The following DCAKD variants were observed in gnomAD, a reference collection of about 807,000 sequenced individuals.
The protein encoded by DCAKD is dephospho-CoA kinase domain-containing protein.
A neutral mutation model predicts 18.7 loss-of-function variants in DCAKD; 15 were observed. That is an observed-to-expected ratio of 0.80 (90% CI 0.54 to 1.24). DCAKD has a LOEUF of 1.24. Among genes scored for constraint, DCAKD ranks in the 50% most tolerant of loss-of-function variants. The pLI is 0.00. For synonymous variants in DCAKD, 130 were observed against 133.0 expected (o/e 0.98, Z 0.16); for missense variants, 301 against 322.0 (o/e 0.93, Z 0.50).
chr17:45,059,266 A>G (rs1567857160), intron 1 of DCAKD, among the ~76,000 whole-genome samples: 1 of 152,058 alleles, frequency 6.6e-6, no homozygotes, highest in African/African-American at 2.4e-5. Context: ...AAAAGAAAGA[A>G]AGAGTTGACT....
upstream of DCAKD, chr17:45,054,251 T>TTA: frequency 2.9e-6 from 1 of 346,850 alleles, no homozygotes; most frequent in South Asian, 1.8e-5. Context: ...GACAGTTTTA[T>TTA]TTATTTTTTT....
chr17:45,033,996 AAG>A (rs1369579273), intron 3 of DCAKD, 189 bp downstream of exon 3: 12 of 1,592,836 alleles, frequency 7.5e-6, no homozygotes, highest in Non-Finnish European at 9.3e-6. Flanking sequence ...CAGCCTCCTT[AAG>A]AGCTGAGGGA....
In DCAKD at chr17:45,058,574, T is replaced by G. The variant is rs918428898; in HGVS notation, c.-118+2314A>C. 2.0e-5 allele frequency among the ~76,000 whole-genome samples: 3 copies of G among 151,932 alleles called. No homozygotes were observed. The South Asian group carries it at 6.2e-4, about 32-fold the overall frequency. ...AGCTGGGATTATAGGCGCCCACCAC[T>G]AAGCCCAGCTAATTTTTTTGTATTT... On this transcript the variant is annotated intron_variant, in intron 1 of 4. Coordinates refer to the DCAKD transcript ENST00000310604.
At chr17:45,036,443 G>A (rs968453874) in intron 1 of DCAKD, among the ~76,000 whole-genome samples, 5 of 152,162 alleles carry the variant, frequency 3.3e-5, no homozygotes, top group Non-Finnish European at 5.9e-5. Context: ...TTGAACCCAG[G>A]AGGCGGAGGT....
intron 1 of DCAKD, among the ~76,000 whole-genome samples, chr17:45,040,421 A>C (rs1451408529): frequency 5.3e-5 from 8 of 151,078 alleles, no homozygotes; most frequent in Non-Finnish European, 1.0e-4. Flanking sequence ...CCCCTGGCAA[A>C]CCAAGGGATG....
chr17:45,050,882 G>A (rs1242455032), intron 1 of DCAKD, among the ~76,000 whole-genome samples: 2 of 152,242 alleles, frequency 1.3e-5, no homozygotes, highest in Non-Finnish European at 2.9e-5. Context: ...AGCTGGGGAA[G>A]GAAGAGACGG....
intron 1 of DCAKD, among the ~76,000 whole-genome samples, chr17:45,043,968 G>A (rs186867910): frequency 2.6e-5 from 4 of 152,184 alleles, no homozygotes; most frequent in East Asian, 1.9e-4. Context: ...ATGTCGCTGC[G>A]GAAGCCCTGC....
upstream of DCAKD, among the ~76,000 whole-genome samples, chr17:45,053,758 T>A (rs1196625502): frequency 1.3e-5 from 2 of 152,136 alleles, no homozygotes; most frequent in East Asian, 3.9e-4. Context: ...GAGATGGGGT[T>A]TGGCATGTTA....
At chr17:45,056,940 T>C (rs1432259516) in intron 1 of DCAKD, among the ~76,000 whole-genome samples, 3 of 151,924 alleles carry the variant, frequency 2.0e-5, no homozygotes, top group African/African-American at 7.3e-5. Context: ...GCTAATTTTT[T>C]GTATTTTCAG....
intron 1 of DCAKD, among the ~76,000 whole-genome samples, chr17:45,042,804 G>A (rs2143310170): frequency 6.6e-6 from 1 of 152,316 alleles, no homozygotes; most frequent in South Asian, 2.1e-4. Context: ...ACCTCCTCCA[G>A]GCTGCCAGTT....
chr17:45,056,304 T>C (rs2143414370), upstream of DCAKD, among the ~76,000 whole-genome samples: 1 of 152,220 alleles, frequency 6.6e-6, no homozygotes. Context: ...ATTAAGTGGG[T>C]ATTAATTCTG....
At chr17:45,041,940 G>A in intron 1 of DCAKD, among the ~76,000 whole-genome samples, 1 of 151,422 alleles carries the variant, frequency 6.6e-6, no homozygotes, top group East Asian at 2.0e-4. Flanking sequence ...GCAACAAAGC[G>A]AGATCCTGTC....
chr17:45,026,168 C>A (rs946914665), intron 4 of DCAKD, among the ~76,000 whole-genome samples: 5 of 151,734 alleles, frequency 3.3e-5, no homozygotes, highest in Non-Finnish European at 2.9e-5. Flanking sequence ...ATCCACCCGC[C>A]TTGGCCTCCC....
intron 1 of DCAKD, among the ~76,000 whole-genome samples, chr17:45,047,954 T>C (rs927622195): frequency 2.6e-5 from 4 of 152,162 alleles, no homozygotes; most frequent in African/African-American, 9.7e-5. Flanking sequence ...TTTTTATCAA[T>C]TGTGTATTTT....
chr17:45,059,806 T>G (rs1260214773), intron 1 of DCAKD, among the ~76,000 whole-genome samples: 1 of 152,150 alleles, frequency 6.6e-6, no homozygotes, highest in Admixed American at 6.6e-5. Flanking sequence ...TTTTTTCATC[T>G]GTCAAAAAGG....
intron 1 of DCAKD, among the ~76,000 whole-genome samples, chr17:45,049,905 A>G (rs938679886): frequency 1.3e-5 from 2 of 151,494 alleles, no homozygotes; most frequent in African/African-American, 4.9e-5. Context: ...TATTTTTAGT[A>G]GAGATGGAGT....
At chr17:45,061,091 C>T (rs1250469463) in exon 1 of DCAKD, 6 of 1,307,860 alleles carry the variant, frequency 4.6e-6, no homozygotes, top group Non-Finnish European at 4.9e-6. Context: ...CCCCTTCTTT[C>T]CTCAAAGCGT....
At chr17:45,047,917 T>C (rs1328772263) in intron 1 of DCAKD, among the ~76,000 whole-genome samples, 1 of 152,142 alleles carries the variant, frequency 6.6e-6, no homozygotes, top group Non-Finnish European at 1.5e-5. Flanking sequence ...TTAAGAGAAA[T>C]ACTCAAATAA....
chr17:45,035,130 T>C (rs1403245079), intron 1 of DCAKD, 131 bp from the exon 2 acceptor site: 10 of 479,288 alleles, frequency 2.1e-5, no homozygotes, highest in Admixed American at 3.5e-5. Flanking sequence ...TCTGGGGCCA[T>C]CTGGAGAGGA....
Sources: allele counts gnomAD v4.1 joint callset (sites outside exome capture counted in the v4.1 genomes callset), GRCh38; gene constraint gnomAD v4.1.1; transcripts MANE v1.5; gene names NCBI Gene and HGNC (gene_info 2026-07-23, HGNC 2026-07-21).